DCAF8L2: variants seen among roughly 807,000 people sequenced by gnomAD.
The protein encoded by DCAF8L2 is DDB1- and CUL4-associated factor 8-like protein 2.
For synonymous variants in DCAF8L2, 200 were observed against 190.9 expected, an observed-to-expected ratio of 1.05 and a Z score of -0.39; for missense variants, 430 against 490.7, an observed-to-expected ratio of 0.88 and a Z score of 1.17.
At position 27,732,899 on chromosome X, in the gene DCAF8L2, C is replaced by T. The variant is rs182024886; in HGVS notation, c.-58-13939C>T. Among the ~76,000 whole-genome samples the T allele has an allele frequency of 1.1e-4, 12 of 111,163 alleles. No individual in the cohort carries two copies. The East Asian group carries it at 3.1e-3, about 29-fold the overall frequency. On this transcript the variant is annotated intron_variant, in intron 4 of 4. Transcript: ENST00000451261. ...TTTGAGAAGGAGTCTCGCTCTGTTG[C>T]CCAGGCTGGAGTGTAGTGTGCAACC... is the stretch of plus-strand genomic sequence containing the variant.
chrX:27,489,606 A>G, the DCAF8L2 span, among the ~76,000 whole-genome samples: 1 of 112,431 alleles, frequency 8.9e-6, no homozygotes, highest in African/African-American at 3.2e-5. Flanking sequence ...GCTATGAATA[A>G]TGCTCCCATG....
the DCAF8L2 span, among the ~76,000 whole-genome samples, chrX:27,553,168 A>G: frequency 2.7e-5 from 3 of 111,770 alleles, no homozygotes; most frequent in Non-Finnish European, 5.7e-5. Flanking sequence ...TTTCTGGTAG[A>G]GTCTTTAGAA....
the DCAF8L2 span, among the ~76,000 whole-genome samples, chrX:27,528,481 T>TATAA: frequency 1.0e-5 from 1 of 98,397 alleles, no homozygotes; most frequent in Non-Finnish European, 2.0e-5. Flanking sequence ...TATGTGTATA[T>TATAA]ATATATATAT....
At chrX:27,614,026 G>T (rs1927328168) in intron 1 of DCAF8L2, among the ~76,000 whole-genome samples, 1 of 111,470 alleles carries the variant, frequency 9.0e-6, no homozygotes, top group Non-Finnish European at 1.9e-5. Flanking sequence ...CAGAAGGAAT[G>T]GTACCAGTTC....
chrX:27,745,171 A>G (rs906919549), intron 4 of DCAF8L2, among the ~76,000 whole-genome samples: 3 of 112,336 alleles, frequency 2.7e-5, no homozygotes, highest in Non-Finnish European at 5.6e-5. Flanking sequence ...CTAGCAATAA[A>G]TAATAAAAAG....
At chrX:27,538,748 A>G in the DCAF8L2 span, among the ~76,000 whole-genome samples, 1 of 111,329 alleles carries the variant, frequency 9.0e-6, no homozygotes, top group African/African-American at 3.3e-5. Flanking sequence ...CTTTGCTCAT[A>G]TTTATACACT....
the DCAF8L2 span, among the ~76,000 whole-genome samples, chrX:27,582,297 A>G: frequency 1.8e-5 from 2 of 112,009 alleles, no homozygotes; most frequent in Non-Finnish European, 3.8e-5. Flanking sequence ...TATTGGTACA[A>G]TACTATTCAC....
chrX:27,602,508 T>A (rs755679490), intron 1 of DCAF8L2, among the ~76,000 whole-genome samples: 17 of 112,025 alleles, frequency 1.5e-4, no homozygotes, highest in Non-Finnish European at 3.2e-4. Context: ...AAATTCATCA[T>A]CTTATTTCTC....
At chrX:27,685,905 G>A (rs931526291) in intron 3 of DCAF8L2, among the ~76,000 whole-genome samples, 7 of 111,342 alleles carry the variant, frequency 6.3e-5, no homozygotes, top group African/African-American at 2.0e-4. Flanking sequence ...TCAAATAATA[G>A]GATTTCAAAA....
chrX:27,708,950 C>G (rs1157027625), intron 3 of DCAF8L2, among the ~76,000 whole-genome samples: 2 of 112,303 alleles, frequency 1.8e-5, no homozygotes, highest in African/African-American at 3.2e-5. Context: ...GAGTTTCACT[C>G]TTGTTGCACA....
chrX:27,702,669 G>T lies in DCAF8L2; in HGVS notation c.-142-13419G>T, dbSNP rs75866567. Among the ~76,000 whole-genome samples the T allele has an allele frequency of 1.4e-4, 15 of 110,847 alleles. No homozygotes were observed. The East Asian group carries it at 4.0e-3, about 29-fold the overall frequency. ...AAATTCAACAACATTTCATGATAAA[G>T]CATCTTAACAAGCTAGTAATAAAAG... is the stretch of plus-strand genomic sequence containing the variant. On this transcript the variant is annotated intron_variant, in intron 3 of 4. Coordinates refer to ENST00000451261, the MANE Select transcript of DCAF8L2 (RefSeq NM_001353450.2).
chrX:27,711,166 C>T (rs1164858343), intron 3 of DCAF8L2, among the ~76,000 whole-genome samples: 9 of 110,783 alleles, frequency 8.1e-5, no homozygotes, highest in Non-Finnish European at 1.7e-4. Flanking sequence ...AGATAAATTA[C>T]CCTCCTTAGT....
At chrX:27,507,335 G>A in the DCAF8L2 span, among the ~76,000 whole-genome samples, 1 of 111,584 alleles carries the variant, frequency 9.0e-6, no homozygotes, top group Non-Finnish European at 1.9e-5. Context: ...GGTTCAAGGT[G>A]CTGAAAACTC....
intron 3 of DCAF8L2, among the ~76,000 whole-genome samples, chrX:27,695,664 A>T (rs1338509544): frequency 8.9e-6 from 1 of 111,785 alleles, no homozygotes; most frequent in East Asian, 2.8e-4. Context: ...AATAACCATT[A>T]TAAATATAAT....
At chrX:27,699,514 A>G (rs1048778791) in intron 3 of DCAF8L2, among the ~76,000 whole-genome samples, 9 of 111,684 alleles carry the variant, frequency 8.1e-5, no homozygotes, top group African/African-American at 2.9e-4. Flanking sequence ...CTTGGTTTCC[A>G]TGGCAAAAAG....
intron 4 of DCAF8L2, among the ~76,000 whole-genome samples, chrX:27,730,927 C>G (rs757606023): frequency 5.4e-5 from 6 of 111,142 alleles, no homozygotes; most frequent in South Asian, 7.5e-4. Flanking sequence ...CTCCCAATTT[C>G]GTATCACAGG....
chrX:27,528,107 AT>A, the DCAF8L2 span, among the ~76,000 whole-genome samples: 1 of 103,740 alleles, frequency 9.6e-6, no homozygotes, highest in Non-Finnish European at 2.0e-5. Flanking sequence ...TTTTAATTTA[AT>A]TTAATTAATT....
chrX:27,684,670 A>C (rs1930440513), intron 3 of DCAF8L2, among the ~76,000 whole-genome samples: 2 of 111,864 alleles, frequency 1.8e-5, no homozygotes, highest in African/African-American at 6.5e-5. Flanking sequence ...AAAGTGGCTA[A>C]AAGTCAATTT....
At chrX:27,616,089 C>T (rs1273293154) in intron 1 of DCAF8L2, among the ~76,000 whole-genome samples, 2 of 110,218 alleles carry the variant, frequency 1.8e-5, no homozygotes, top group Admixed American at 1.9e-4. Context: ...TTTTTCCCCT[C>T]TTAGGGACAT....
Sources: gnomAD v4.1 joint callset for allele counts (sites outside exome capture counted in the v4.1 genomes callset) on GRCh38, gnomAD v4.1.1 for gene constraint, MANE v1.5 for transcripts, NCBI Gene and HGNC (gene_info 2026-07-23, HGNC 2026-07-21) for gene names.